The following LRBA variants were observed in gnomAD, a reference collection of about 807,000 sequenced individuals.
LRBA encodes the protein lipopolysaccharide-responsive and beige-like anchor protein.
LRBA carries 176 observed loss-of-function variants against 330.0 expected under a neutral mutation model. The observed-to-expected ratio is 0.53, with a 90% confidence interval of 0.47 to 0.60. The LOEUF is 0.60. Among genes scored for constraint, LRBA ranks in the 20% least tolerant of loss-of-function variants. The pLI is 0.00. For missense variants in LRBA, 3,259 were observed against 3,444.8 expected (o/e 0.95, Z 1.35); for synonymous variants, 1,230 against 1,193.0 (o/e 1.03, Z -0.64).
intron 26 of LRBA, among the ~76,000 whole-genome samples, chr4:150,845,161 CAG>C (rs1189065668): frequency 6.6e-6 from 1 of 152,110 alleles, no homozygotes; most frequent in African/African-American, 2.4e-5. Context: ...TGGAAGAAAA[CAG>C]GGAACAAAGT....
chr4:150,490,960 G>A lies in LRBA; in HGVS notation c.6406C>T (p.Leu2136Phe). The A allele has an allele frequency of 6.2e-7, 1 of 1,609,830 alleles. No individual in the cohort carries two copies. The highest frequency in any genetic ancestry group is 8.5e-7 in the Non-Finnish European group (1 of 1,177,246). ...ATCTCCAGGGCTGTATTTTGCAAAA[G>A]ATAACGACGAGAAAAGATTGATCGT... ...EIRSIFSRRYLLQNTALEIFM... is the reference protein window; with the variant it reads ...EIRSIFSRRYFLQNTALEIFM... The change falls in exon 41 of 57, where the codon CTT becomes TTT. Residue 2136 changes from leucine to phenylalanine, a missense_variant. Coordinates refer to ENST00000651943, the MANE Select transcript of LRBA (RefSeq NM_001364905.1).
chr4:150,971,439 A>G (rs1315822174), intron 2 of LRBA, among the ~76,000 whole-genome samples: 1 of 152,178 alleles, frequency 6.6e-6, no homozygotes, highest in East Asian at 1.9e-4. Context: ...GTTATTTTGA[A>G]TAATTCTGCT....
chr4:150,508,968 T>A (rs1324427916), intron 40 of LRBA, among the ~76,000 whole-genome samples: 1 of 152,164 alleles, frequency 6.6e-6, no homozygotes, highest in Non-Finnish European at 1.5e-5. Flanking sequence ...TCAAATCAGA[T>A]AAAGTATATT....
At chr4:150,378,655 T>C (rs1028331307) in intron 47 of LRBA, among the ~76,000 whole-genome samples, 1 of 152,114 alleles carries the variant, frequency 6.6e-6, no homozygotes, top group Admixed American at 6.5e-5. Flanking sequence ...TGTGGACAGG[T>C]AAAGAAGAGC....
intron 56 of LRBA, among the ~76,000 whole-genome samples, chr4:150,269,173 A>G (rs1413059893): frequency 6.6e-6 from 1 of 152,174 alleles, no homozygotes; most frequent in African/African-American, 2.4e-5. Flanking sequence ...AGAGCGAAAC[A>G]GAAACCCCTA....
chr4:150,432,426 C>T (rs1273300208), intron 46 of LRBA, among the ~76,000 whole-genome samples: 6 of 139,308 alleles, frequency 4.3e-5, no homozygotes, highest in Non-Finnish European at 7.7e-5. Context: ...CATATATTTA[C>T]ATATATTACA....
intron 28 of LRBA, among the ~76,000 whole-genome samples, chr4:150,835,701 G>C (rs866275481): frequency 3.3e-5 from 5 of 152,140 alleles, no homozygotes; most frequent in African/African-American, 1.2e-4. Context: ...GAGATTTTGG[G>C]CTGAGATGAT....
rs543514667 is a variant in LRBA at position 150,997,541 on chromosome 4, T to A, written c.216+16886A>T. Among the ~76,000 whole-genome samples the A allele has an allele frequency of 2.6e-5, 4 of 152,050 alleles. No homozygotes were observed. The South Asian group carries it at 8.3e-4, about 32-fold the overall frequency. On this transcript the variant is annotated intron_variant, in intron 2 of 56. Transcript: ENST00000651943. ...TTCAATCTAAATGACTAAGAACTTATAAAGACTTAAGACGATCCTGCAAGA... is the reference window on the plus strand; with the variant it reads ...TTCAATCTAAATGACTAAGAACTTAAAAAGACTTAAGACGATCCTGCAAGA...
At chr4:150,861,129 G>A (rs554999411) in intron 22 of LRBA, among the ~76,000 whole-genome samples, 13 of 151,986 alleles carry the variant, frequency 8.6e-5, no homozygotes, top group South Asian at 4.2e-4. Flanking sequence ...ACTGAGTCTC[G>A]CTCTGTGACC....
intron 17 of LRBA, among the ~76,000 whole-genome samples, chr4:150,879,490 C>T (rs1252511289): frequency 6.6e-6 from 1 of 152,048 alleles, no homozygotes; most frequent in East Asian, 1.9e-4. Flanking sequence ...CACTCTTATT[C>T]AACATAGCAC....
intron 43 of LRBA, among the ~76,000 whole-genome samples, chr4:150,470,813 C>A (rs1756010266): frequency 6.6e-6 from 1 of 150,872 alleles, no homozygotes; most frequent in Admixed American, 6.6e-5. Flanking sequence ...TTAATTCCCA[C>A]TGATACCTAA....
At chr4:150,336,931 C>T (rs1166825744) in intron 48 of LRBA, among the ~76,000 whole-genome samples, 2 of 152,192 alleles carry the variant, frequency 1.3e-5, no homozygotes, top group Non-Finnish European at 2.9e-5. Flanking sequence ...CTGTCTAGAA[C>T]ATTGATGTGC....
chr4:150,565,388 T>C (rs901828265), intron 40 of LRBA, among the ~76,000 whole-genome samples: 1 of 152,074 alleles, frequency 6.6e-6, no homozygotes, highest in Non-Finnish European at 1.5e-5. Flanking sequence ...AAATACCTAA[T>C]GCATGTGGGG....
chr4:150,702,422 C>T (rs1041908293), intron 36 of LRBA, among the ~76,000 whole-genome samples: 6 of 152,076 alleles, frequency 3.9e-5, no homozygotes, highest in African/African-American at 1.2e-4. Flanking sequence ...TTTCAATCAT[C>T]GACAAAAGTG....
chr4:150,561,639 G>A (rs1026140787), intron 40 of LRBA, among the ~76,000 whole-genome samples: 1 of 152,136 alleles, frequency 6.6e-6, no homozygotes, highest in Admixed American at 6.5e-5. Flanking sequence ...GTTGGAAAAG[G>A]TAAGGAAACG....
At chr4:150,375,150 T>C (rs1332464059) in intron 47 of LRBA, among the ~76,000 whole-genome samples, 2 of 152,154 alleles carry the variant, frequency 1.3e-5, no homozygotes, top group African/African-American at 2.4e-5. Flanking sequence ...TGTCTGGCTG[T>C]AGCTGTAGCT....
intron 22 of LRBA, among the ~76,000 whole-genome samples, chr4:150,854,776 A>T (rs1751030564): frequency 6.6e-6 from 1 of 152,228 alleles, no homozygotes; most frequent in South Asian, 2.1e-4. Flanking sequence ...GAGCTGAAAT[A>T]AGCTTGGTAT....
intron 4 of LRBA, among the ~76,000 whole-genome samples, chr4:150,926,235 A>T (rs1435368011): frequency 6.6e-6 from 1 of 152,188 alleles, no homozygotes; most frequent in African/African-American, 2.4e-5. Context: ...GCTTTAAGTT[A>T]AAGAATTCCC....
At chr4:150,499,433 A>G (rs894322375) in intron 40 of LRBA, among the ~76,000 whole-genome samples, 1 of 152,106 alleles carries the variant, frequency 6.6e-6, no homozygotes, top group African/African-American at 2.4e-5. Flanking sequence ...ACTTGAGGCC[A>G]GGAATTCCAG....
Sources: gnomAD v4.1 joint callset for allele counts (sites outside exome capture counted in the v4.1 genomes callset) on GRCh38, gnomAD v4.1.1 for gene constraint, MANE v1.5 for transcripts, NCBI Gene and HGNC (gene_info 2026-07-23, HGNC 2026-07-21) for gene names.